The following NDST1 variants were observed in gnomAD, a reference collection of about 807,000 sequenced individuals.
NDST1 encodes N-deacetylase and N-sulfotransferase 1.
Under a neutral mutation model 92.8 loss-of-function variants are expected in NDST1, and 35 were observed. The observed-to-expected ratio is 0.38, with a 90% CI of 0.29 to 0.50. The LOEUF is 0.50. Ranked by LOEUF, NDST1 falls within the 20% of genes least tolerant of loss-of-function variation. The pLI, the probability that NDST1 is intolerant of heterozygous loss-of-function variation, is 0.94. For synonymous variants in NDST1, 493 were observed against 500.3 expected (o/e 0.99, Z 0.19); for missense variants, 822 against 1,182.7 (o/e 0.69, Z 4.47).
chr5:150,526,576 G>A (rs1167635677), intron 2 of NDST1, among the ~76,000 whole-genome samples: 3 of 152,170 alleles, frequency 2.0e-5, no homozygotes, highest in African/African-American at 7.2e-5. Context: ...AAACATCATA[G>A]CCCCTAACCT....
At chr5:150,514,864 C>A (rs1753889544) in intron 1 of NDST1, among the ~76,000 whole-genome samples, 1 of 152,168 alleles carries the variant, frequency 6.6e-6, no homozygotes. Context: ...AAGGACCTGA[C>A]CCTGGGAAAA....
rs1265130169 is a variant in NDST1, at chr5:150,532,886, GA to G, written c.1009-55del. The G allele has an allele frequency of 1.4e-5, 21 of 1,498,906 alleles. No individual in the cohort carries two copies. In the East Asian group the frequency reaches 1.6e-4, roughly 11 times the overall value. 92.9% of individuals were successfully genotyped at this position (1,498,906 alleles called of 1,614,324 possible). A position where few individuals can be genotyped will look rare whatever the true frequency, so the allele number is the denominator to read the frequency against. ...CACGTTTTTTCACTGCCCTCAGTGG[GA>G]AAAGCAGGGAGCTCCTGGCTTTCCC... On this transcript the variant is annotated intron_variant, in intron 3 of 14. Coordinates refer to ENST00000261797, the MANE Select transcript of NDST1 (RefSeq NM_001543.5).
Position 150,521,194 on chromosome 5 carries a change from T to C in NDST1, c.-61T>C. The C allele has an allele frequency of 6.8e-7, 1 of 1,478,090 alleles. No homozygotes were observed. The highest frequency in any genetic ancestry group is 1.4e-5 in the African/African-American group (1 of 70,778). The allele number at this position is 1,478,090 out of a possible 1,614,324, so 91.6% of individuals were successfully genotyped here. The stretch of plus-strand genomic sequence containing the variant: ...GACGATTCTCGTGTCTCCTCCTGTG[T>C]GGGGCCTTGGGGTAGCCAGGGCAGG... On this transcript the variant is annotated 5_prime_UTR_variant, in exon 2 of 15. Coordinates refer to ENST00000261797, the MANE Select transcript of NDST1 (RefSeq NM_001543.5). The surrounding 1 kb of genome is among the most constrained non-coding windows in gnomAD (Gnocchi z 5.9).
intron 1 of NDST1, among the ~76,000 whole-genome samples, chr5:150,502,805 A>C (rs1345493883): frequency 7.2e-6 from 1 of 138,642 alleles, no homozygotes; most frequent in Non-Finnish European, 1.6e-5. Flanking sequence ...GGGGTAGGCA[A>C]GGTTGGGGGC....
At chr5:150,541,179 C>T (rs978958368) in intron 8 of NDST1, among the ~76,000 whole-genome samples, 2 of 152,188 alleles carry the variant, frequency 1.3e-5, no homozygotes, top group Non-Finnish European at 2.9e-5. Flanking sequence ...CATGCTATGA[C>T]GGCAGAGTCG....
chr5:150,547,417 T>C (rs1039686421), intron 11 of NDST1, among the ~76,000 whole-genome samples: 2 of 152,210 alleles, frequency 1.3e-5, no homozygotes, highest in African/African-American at 4.8e-5. Context: ...TGGGGGATAG[T>C]GCCTGTCGCA....
chr5:150,507,935 C>T (rs1371161073), upstream of NDST1, among the ~76,000 whole-genome samples: 2 of 152,164 alleles, frequency 1.3e-5, no homozygotes, highest in African/African-American at 2.4e-5. Context: ...GGGGCAGAAT[C>T]GGAGGAGGAC....
intron 12 of NDST1, among the ~76,000 whole-genome samples, chr5:150,549,183 TG>T (rs373403152): frequency 5.9e-5 from 9 of 152,258 alleles, no homozygotes; most frequent in African/African-American, 2.2e-4. Flanking sequence ...AGATAATTTT[TG>T]TATTTTTAGT....
At chr5:150,527,282 T>C (rs1754516588) in intron 2 of NDST1, among the ~76,000 whole-genome samples, 1 of 152,240 alleles carries the variant, frequency 6.6e-6, no homozygotes, top group African/African-American at 2.4e-5. Context: ...GAGGACTGAA[T>C]GAGCAGTTTC....
intron 2 of NDST1, among the ~76,000 whole-genome samples, chr5:150,527,297 C>T (rs1754517465): frequency 6.6e-6 from 1 of 152,246 alleles, no homozygotes; most frequent in African/African-American, 2.4e-5. Flanking sequence ...AGTTTCTGGT[C>T]ATGCCACAGG....
chr5:150,516,205 C>T (rs988646609), intron 1 of NDST1, among the ~76,000 whole-genome samples: 1 of 152,160 alleles, frequency 6.6e-6, no homozygotes, highest in Non-Finnish European at 1.5e-5. Context: ...TGGTGCCTGC[C>T]TGCCTCAGCC....
intron 2 of NDST1, among the ~76,000 whole-genome samples, chr5:150,522,615 T>TCA (rs1754291288): frequency 6.6e-6 from 1 of 152,212 alleles, no homozygotes; most frequent in Non-Finnish European, 1.5e-5. Context: ...TTTGTGGTCC[T>TCA]GTGCTAGCGG....
rs776914303 is a variant in NDST1 at position 150,535,970 on chromosome 5, C to T, written c.1437+85C>T. Reference sequence around the variant, plus strand: ...TGTGCATACGCTGTCCTGGTAAGCACGGCTCTGGTTTGCTGGCTTAGGGGT... The same window carrying T: ...TGTGCATACGCTGTCCTGGTAAGCATGGCTCTGGTTTGCTGGCTTAGGGGT... On this transcript the variant is annotated intron_variant, in intron 6 of 14. Coordinates refer to ENST00000261797, the MANE Select transcript of NDST1 (RefSeq NM_001543.5). 52 of 1,476,124 alleles carry T rather than the reference C, an allele frequency of 3.5e-5. 1 individual carries two copies. Among genetic ancestry groups the T allele is most frequent in the South Asian group, 2.2e-4 (18 of 83,222 alleles). The allele number at this position is 1,476,124 out of a possible 1,614,324, so 91.4% of individuals were successfully genotyped here.
At position 150,528,214 on chromosome 5, in the gene NDST1, G is replaced by C. The variant is rs764333394; in HGVS notation, c.924G>C (p.Leu308=). The C allele has an allele frequency of 3.3e-5, 53 of 1,614,056 alleles. No homozygotes were observed. Among genetic ancestry groups the C allele is most frequent in the South Asian group, 1.9e-4 (17 of 91,086 alleles). The change falls in exon 3 of 15, where the codon CTG becomes CTC. Residue 308 remains leucine (L), a synonymous_variant. Coordinates refer to ENST00000261797, the MANE Select transcript of NDST1 (RefSeq NM_001543.5). ...TCCTCACGGGGAAGCGCCTCTCCCT[G>C]CCATTGGACCGCTACATCCTGGTGG... ...VAFLTGKRLS[L]PLDRYILVDI...
chr5:150,539,690 C>G, intron 7 of NDST1: 2 of 984,710 alleles, frequency 2.0e-6, no homozygotes, highest in Non-Finnish European at 1.2e-6. Flanking sequence ...TTTTCTAGGT[C>G]TCGCTTTCCT....
chr5:150,537,184 T>G (rs2151290664), intron 6 of NDST1, among the ~76,000 whole-genome samples: 1 of 152,382 alleles, frequency 6.6e-6, no homozygotes, highest in Non-Finnish European at 1.5e-5. Flanking sequence ...GACCCTGTGA[T>G]GATTGTGTTA....
intron 1 of NDST1, among the ~76,000 whole-genome samples, chr5:150,510,977 C>A (rs77261927): frequency 0.027 from 4,082 of 152,242 alleles, 184 homozygotes; most frequent in African/African-American, 0.093. Flanking sequence ...AGAGGGGCTG[C>A]GGAGATGGGG....
chr5:150,506,568 A>G (rs1287768872), upstream of NDST1, among the ~76,000 whole-genome samples: 1 of 152,068 alleles, frequency 6.6e-6, no homozygotes, highest in African/African-American at 2.4e-5. Context: ...GAGGCCTCCT[A>G]TTCCTCTTTA....
intron 14 of NDST1, among the ~76,000 whole-genome samples, 198 bp downstream of exon 14, chr5:150,552,053 G>A (rs951204699): frequency 3.0e-4 from 46 of 152,200 alleles, no homozygotes; most frequent in African/African-American, 1.1e-3. Context: ...ACAAGTGTTG[G>A]TTACCTTCTA....
Sources: gnomAD v4.1 joint callset for allele counts (sites outside exome capture counted in the v4.1 genomes callset) on GRCh38, gnomAD v4.1.1 for gene constraint, Gnocchi (gnomAD v3.1) non-coding constraint, MANE v1.5 for transcripts, NCBI Gene and HGNC (gene_info 2026-07-23, HGNC 2026-07-21) for gene names.